Variants in PARN observed in about 807,000 individuals in gnomAD.
PARN encodes poly(A)-specific ribonuclease PARN.
PARN carries 71 observed loss-of-function variants against 102.8 expected under a neutral mutation model. The ratio of observed to expected loss-of-function variants is 0.69; its 90% confidence interval spans 0.57 to 0.84. PARN has a LOEUF of 0.84. Ranked by LOEUF, PARN falls within the 40% of genes least tolerant of loss-of-function variation. The pLI, the probability that PARN is intolerant of heterozygous loss-of-function variation, is 0.00. For synonymous variants in PARN, 261 were observed against 252.9 expected (o/e 1.03, Z -0.30); for missense variants, 782 against 760.9 (o/e 1.03, Z -0.33).
intron 22 of PARN, among the ~76,000 whole-genome samples, chr16:14,456,864 T>C (rs1961704921): frequency 6.6e-6 from 1 of 152,212 alleles, no homozygotes; most frequent in Non-Finnish European, 1.5e-5. Context: ...CCTTGTCACA[T>C]TCATTCCTCT....
rs1050818526 is a variant in PARN at position 14,549,152 on chromosome 16, T to C, written c.1480+2869A>G. On this transcript the variant is annotated intron_variant, in intron 21 of 23. Coordinates refer to ENST00000437198, the MANE Select transcript of PARN (RefSeq NM_002582.4). ...AGGAAATGTTGTCAGAGGCACAGCA[T>C]GCTCAAATTGCCAAGTATTTTGTTA... Among the ~76,000 whole-genome samples, 6 of 152,322 alleles carry C rather than the reference T, an allele frequency of 3.9e-5. No homozygotes were observed. The Middle Eastern group carries it at 0.014, about 345-fold the overall frequency.
In PARN at chr16:14,436,536, A is replaced by G. The variant is rs377220007; in HGVS notation, c.*181T>C. On this transcript the variant is annotated 3_prime_UTR_variant, in exon 24 of 24. Transcript: ENST00000437198. Reference sequence around the variant, plus strand: ...CAATGTCAACAGGCAGTTAGATTAAAAAGGGGAAAAAACCACAGCCACAAA... The same window carrying G: ...CAATGTCAACAGGCAGTTAGATTAAGAAGGGGAAAAAACCACAGCCACAAA... The G allele has an allele frequency of 1.1e-4, 65 of 607,724 alleles. No individual in the cohort carries two copies. Among genetic ancestry groups the G allele is most frequent in the African/African-American group, 9.1e-4 (49 of 54,052 alleles). 37.6% of individuals were successfully genotyped at this position (607,724 alleles called of 1,614,324 possible).
chr16:14,525,014 A>C (rs1331024139), intron 21 of PARN, among the ~76,000 whole-genome samples: 2 of 152,244 alleles, frequency 1.3e-5, no homozygotes, highest in African/African-American at 4.8e-5. Context: ...ATTTTAAAAC[A>C]GTCTATAACA....
At chr16:14,449,520 TG>T (rs1961356381) in intron 22 of PARN, among the ~76,000 whole-genome samples, 1 of 152,206 alleles carries the variant, frequency 6.6e-6, no homozygotes, top group East Asian at 1.9e-4. Context: ...ACCTCATAGA[TG>T]TAAACATCTT....
intron 6 of PARN, among the ~76,000 whole-genome samples, chr16:14,616,333 A>G (rs1337759555): frequency 6.6e-6 from 1 of 152,186 alleles, no homozygotes; most frequent in African/African-American, 2.4e-5. Context: ...ACAAGACACA[A>G]TCCCTTCCTC....
chr16:14,501,237 T>G (rs1964568887), intron 21 of PARN, among the ~76,000 whole-genome samples: 1 of 147,342 alleles, frequency 6.8e-6, no homozygotes, highest in African/African-American at 2.5e-5. Context: ...GAGACCAGCC[T>G]GGGCAAAACA....
intron 23 of PARN, among the ~76,000 whole-genome samples, chr16:14,441,702 C>T (rs1960948988): frequency 6.6e-6 from 1 of 152,226 alleles, no homozygotes; most frequent in African/African-American, 2.4e-5. Flanking sequence ...GCAGCCCACA[C>T]CTCCTTCGCC....
chr16:14,476,691 A>T (rs1193304452), intron 22 of PARN, among the ~76,000 whole-genome samples: 1 of 152,148 alleles, frequency 6.6e-6, no homozygotes, highest in East Asian at 1.9e-4. Flanking sequence ...AATAAAACAA[A>T]ATTAAAAAAT....
chr16:14,498,535 C>T (rs1596519657), intron 21 of PARN, among the ~76,000 whole-genome samples: 1 of 152,250 alleles, frequency 6.6e-6, no homozygotes, highest in Non-Finnish European at 1.5e-5. Flanking sequence ...AATCCACCTA[C>T]AGATGCAGAG....
chr16:14,605,282 T>G (rs976773401), intron 10 of PARN, among the ~76,000 whole-genome samples: 3 of 152,158 alleles, frequency 2.0e-5, no homozygotes, highest in East Asian at 1.9e-4. Flanking sequence ...CAGAAAATAC[T>G]TTGAAATGCC....
chr16:14,616,956 C>T (rs1971941101), intron 6 of PARN, among the ~76,000 whole-genome samples: 1 of 151,786 alleles, frequency 6.6e-6, no homozygotes. Context: ...CACTATATCA[C>T]GCCAGTGGTA....
At chr16:14,580,343 A>G (rs376239228) in intron 18 of PARN, among the ~76,000 whole-genome samples, 1 of 151,050 alleles carries the variant, frequency 6.6e-6, no homozygotes, top group African/African-American at 2.4e-5. Flanking sequence ...GCTGCAGTGC[A>G]GTGGTGCAAT....
intron 18 of PARN, among the ~76,000 whole-genome samples, chr16:14,566,475 T>C (rs1968438790): frequency 6.6e-6 from 1 of 152,196 alleles, no homozygotes; most frequent in Non-Finnish European, 1.5e-5. Context: ...AGCTCAGCAA[T>C]GCTGATGACT....
At chr16:14,437,961 A>T (rs868272856) in intron 23 of PARN, among the ~76,000 whole-genome samples, 44 of 152,326 alleles carry the variant, frequency 2.9e-4, no homozygotes, top group Middle Eastern at 6.8e-3. Flanking sequence ...ATTTACTGTG[A>T]TAAGATCCAG....
At chr16:14,596,467 G>A (rs1415313409) in intron 12 of PARN, among the ~76,000 whole-genome samples, 3 of 152,060 alleles carry the variant, frequency 2.0e-5, no homozygotes, top group Non-Finnish European at 4.4e-5. Flanking sequence ...GGGTGTGGTG[G>A]CTCGTGCCTA....
chr16:14,573,503 T>C (rs1412850743), intron 18 of PARN, among the ~76,000 whole-genome samples: 1 of 152,174 alleles, frequency 6.6e-6, no homozygotes, highest in African/African-American at 2.4e-5. Flanking sequence ...GAAAAGAATA[T>C]ATGCTGGGCA....
intron 13 of PARN, among the ~76,000 whole-genome samples, chr16:14,590,017 G>A (rs1002677697): frequency 2.6e-5 from 4 of 151,908 alleles, no homozygotes; most frequent in Non-Finnish European, 5.9e-5. Context: ...TTGGGAGGCA[G>A]AGGCCGGTGG....
intron 22 of PARN, among the ~76,000 whole-genome samples, chr16:14,476,977 C>T (rs533250865): frequency 6.6e-6 from 1 of 152,166 alleles, no homozygotes; most frequent in African/African-American, 2.4e-5. Context: ...AGGAAACAAA[C>T]CACAAGATGG....
intron 9 of PARN, 58 bp from the exon 10 acceptor site, chr16:14,606,584 G>A: frequency 1.1e-6 from 1 of 893,774 alleles, no homozygotes; most frequent in African/African-American, 1.7e-5. Flanking sequence ...AAATCCCAAA[G>A]TATTTTATAA....
Sources: allele counts gnomAD v4.1 joint callset (sites outside exome capture counted in the v4.1 genomes callset), GRCh38; gene constraint gnomAD v4.1.1; transcripts MANE v1.5; gene names NCBI Gene and HGNC (gene_info 2026-07-23, HGNC 2026-07-21).